Variants in UBE2G1 observed in about 807,000 individuals in gnomAD.
UBE2G1 encodes ubiquitin conjugating enzyme E2 G1, also known as ubiquitin-conjugating enzyme E2 G1.
Under a neutral mutation model 22.7 loss-of-function variants are expected in UBE2G1, and 5 were observed. That is an observed-to-expected ratio of 0.22 (90% CI 0.12 to 0.46). The LOEUF (loss-of-function observed/expected upper bound fraction) is 0.46. Ranked by LOEUF, UBE2G1 falls within the 20% of genes least tolerant of loss-of-function variation. The pLI, the probability that UBE2G1 is intolerant of heterozygous loss-of-function variation, is 0.99. For missense variants in UBE2G1, 88 were observed against 203.9 expected, an observed-to-expected ratio of 0.43 and a Z score of 3.46; for synonymous variants, 74 against 67.5, an observed-to-expected ratio of 1.10 and a Z score of -0.47.
intron 3 of UBE2G1, among the ~76,000 whole-genome samples, chr17:4,291,094 C>A (rs1041132373): frequency 2.6e-5 from 4 of 152,168 alleles, no homozygotes; most frequent in Non-Finnish European, 4.4e-5. Flanking sequence ...GGCGTGGTGG[C>A]TCACGCCTGT....
intron 3 of UBE2G1, among the ~76,000 whole-genome samples, chr17:4,292,316 A>G (rs1443532208): frequency 3.8e-3 from 2 of 524 alleles, no homozygotes; most frequent in East Asian, 0.25. Context: ...CTCTGTCTCA[A>G]AAAAAAAAAA....
At chr17:4,275,046 G>T (rs374525309) in intron 5 of UBE2G1, among the ~76,000 whole-genome samples, 2 of 151,920 alleles carry the variant, frequency 1.3e-5, no homozygotes, top group Non-Finnish European at 2.9e-5. Flanking sequence ...AACAGAACAG[G>T]GCAGGGGAGG....
At chr17:4,296,375 G>A (rs191665576) in intron 3 of UBE2G1, among the ~76,000 whole-genome samples, 2 of 152,242 alleles carry the variant, frequency 1.3e-5, no homozygotes, top group African/African-American at 4.8e-5. Flanking sequence ...CGATTCTTGT[G>A]CCTCAGCCTC....
At chr17:4,308,648 C>T (rs867282426) in intron 1 of UBE2G1, among the ~76,000 whole-genome samples, 18 of 152,196 alleles carry the variant, frequency 1.2e-4, no homozygotes, top group African/African-American at 2.9e-4. Flanking sequence ...CACATTTTAC[C>T]GGCCAGTGGA....
chr17:4,333,169 G>A (rs1472686858), intron 1 of UBE2G1, among the ~76,000 whole-genome samples: 1 of 152,154 alleles, frequency 6.6e-6, no homozygotes, highest in Non-Finnish European at 1.5e-5. Flanking sequence ...TGATGGTTGA[G>A]GATAAGCTAC....
chr17:4,287,671 T>C (rs1006527086), intron 4 of UBE2G1, among the ~76,000 whole-genome samples: 3 of 152,180 alleles, frequency 2.0e-5, no homozygotes, highest in African/African-American at 4.8e-5. Context: ...TCCACCCAAG[T>C]TGTTATTAAC....
At chr17:4,351,196 G>A (rs1567530035) in intron 1 of UBE2G1, among the ~76,000 whole-genome samples, 1 of 151,612 alleles carries the variant, frequency 6.6e-6, no homozygotes, top group East Asian at 1.9e-4. Context: ...GTGGGGGAAA[G>A]GTTAAAAATA....
At chr17:4,316,983 A>G (rs1036145838) in intron 1 of UBE2G1, among the ~76,000 whole-genome samples, 7 of 151,204 alleles carry the variant, frequency 4.6e-5, no homozygotes, top group Admixed American at 6.6e-5. Flanking sequence ...GGTGGCCTCT[A>G]ATCCGAACAC....
chr17:4,335,886 C>T (rs1487888498), intron 1 of UBE2G1, among the ~76,000 whole-genome samples: 1 of 152,188 alleles, frequency 6.6e-6, no homozygotes, highest in African/African-American at 2.4e-5. Context: ...TAGCTCTCAC[C>T]TATAATCCCA....
At chr17:4,343,885 C>T (rs761546966) in intron 1 of UBE2G1, among the ~76,000 whole-genome samples, 48 of 152,112 alleles carry the variant, frequency 3.2e-4, no homozygotes, top group Non-Finnish European at 5.4e-4. Flanking sequence ...CCGCGCCCAG[C>T]CTCAAACCTT....
chr17:4,300,479 G>A (rs541894774), intron 2 of UBE2G1, among the ~76,000 whole-genome samples: 1 of 151,872 alleles, frequency 6.6e-6, no homozygotes, highest in African/African-American at 2.4e-5. Flanking sequence ...GGAGGCAGAG[G>A]TTGCAATGAG....
intron 2 of UBE2G1, chr17:4,302,378 G>A (rs1598186567): frequency 4.1e-6 from 2 of 488,750 alleles, no homozygotes; most frequent in East Asian, 1.1e-4. Flanking sequence ...GGGTTGCTGT[G>A]TCTTCTGGGA....
chr17:4,325,727 G>A (rs1437360026), intron 1 of UBE2G1, among the ~76,000 whole-genome samples: 2 of 152,070 alleles, frequency 1.3e-5, no homozygotes, highest in African/African-American at 4.8e-5. Flanking sequence ...ACTACAAAAC[G>A]ACAATAATCA....
chr17:4,348,444 T>G, intron 1 of UBE2G1, among the ~76,000 whole-genome samples: 1 of 149,630 alleles, frequency 6.7e-6, no homozygotes, highest in East Asian at 2.0e-4. Flanking sequence ...TCCCAGCTAC[T>G]TGGGAGGCTG....
chr17:4,365,614 C>T (rs914514497), intron 1 of UBE2G1, among the ~76,000 whole-genome samples: 1 of 152,086 alleles, frequency 6.6e-6, no homozygotes, highest in African/African-American at 2.4e-5. Flanking sequence ...CGCTCCTACC[C>T]TCCCCCAGCC....
At chr17:4,354,866 G>C (rs866248111) in intron 1 of UBE2G1, among the ~76,000 whole-genome samples, 1 of 152,126 alleles carries the variant, frequency 6.6e-6, no homozygotes, top group Admixed American at 6.6e-5. Context: ...GGGTCTGGGA[G>C]ATTGAGGCTG....
At chr17:4,337,515 C>T (rs538213435) in intron 1 of UBE2G1, among the ~76,000 whole-genome samples, 56 of 151,330 alleles carry the variant, frequency 3.7e-4, no homozygotes, top group African/African-American at 8.2e-4. Flanking sequence ...TAGCCAGGTG[C>T]GGTGGCGCAT....
At chr17:4,348,204 G>A (rs1969802254) in intron 1 of UBE2G1, among the ~76,000 whole-genome samples, 1 of 152,094 alleles carries the variant, frequency 6.6e-6, no homozygotes, top group African/African-American at 2.4e-5. Flanking sequence ...GCTGCAGTGA[G>A]CTATAACCAC....
chr17:4,330,888 T>A (rs1969567598), intron 1 of UBE2G1, among the ~76,000 whole-genome samples: 1 of 151,472 alleles, frequency 6.6e-6, no homozygotes, highest in Admixed American at 6.6e-5. Context: ...TGAGCCACTG[T>A]GCCCTGGCCA....
Sources: allele counts gnomAD v4.1 joint callset (sites outside exome capture counted in the v4.1 genomes callset), GRCh38; gene constraint gnomAD v4.1.1; transcripts MANE v1.5; gene names NCBI Gene and HGNC (gene_info 2026-07-23, HGNC 2026-07-21).